The following PCDHA9 variants were observed in gnomAD, a reference collection of about 807,000 sequenced individuals.
The protein encoded by PCDHA9 is protocadherin alpha 9.
A neutral mutation model predicts 62.0 loss-of-function variants in PCDHA9; 62 were observed. The ratio of observed to expected loss-of-function variants is 1.00; its 90% CI spans 0.81 to 1.23. PCDHA9 has a LOEUF of 1.23. Among genes scored for constraint, PCDHA9 ranks in the 50% most tolerant of loss-of-function variants. The pLI is 0.00. For synonymous variants in PCDHA9, 557 were observed against 567.6 expected (o/e 0.98, Z 0.27); for missense variants, 1,205 against 1,249.8 (o/e 0.96, Z 0.54).
intron 1 of PCDHA9, chr5:140,877,631 C>T: frequency 6.2e-7 from 1 of 1,613,768 alleles, no homozygotes; most frequent in Non-Finnish European, 8.5e-7. Context: ...CTGTACACTG[C>T]GCTGCGTTGC....
At chr5:140,976,637 A>G (rs781951504) in intron 1 of PCDHA9, among the ~76,000 whole-genome samples, 16 of 152,226 alleles carry the variant, frequency 1.1e-4, no homozygotes, top group Non-Finnish European at 1.5e-4. Flanking sequence ...CAGCAATCAG[A>G]CAAGTAATTT....
chr5:141,009,471 G>A, intron 3 of PCDHA9, 156 bp from the exon 4 acceptor site: 1 of 961,136 alleles, frequency 1.0e-6, no homozygotes, highest in Non-Finnish European at 1.2e-6. Context: ...AAATAAATAA[G>A]TAAACACTTG....
chr5:140,875,579 A>G (rs552791418), intron 1 of PCDHA9: 3 of 1,614,050 alleles, frequency 1.9e-6, no homozygotes, highest in Non-Finnish European at 2.5e-6. Context: ...TACTCCGTCT[A>G]CGAGGAGGCC....
chr5:140,875,651 T>A lies in PCDHA9; in HGVS notation c.2394+24762T>A, dbSNP rs782085221. The A allele has an allele frequency of 5.1e-5, 83 of 1,613,604 alleles. 1 individual carries two copies. The South Asian group carries it at 8.5e-4, about 16-fold the overall frequency. On this transcript the variant is annotated intron_variant, in intron 1 of 3. Coordinates refer to ENST00000532602, the MANE Select transcript of PCDHA9 (RefSeq NM_031857.2). Reference sequence around the variant, plus strand: ...CTGGGGCTGGAGCTGGCGGAGCTGGTGCCGCGCCTGTTCCGGGTGGCGTCC... The same window carrying A: ...CTGGGGCTGGAGCTGGCGGAGCTGGAGCCGCGCCTGTTCCGGGTGGCGTCC...
chr5:140,876,498 C>T, intron 1 of PCDHA9: 4 of 1,613,918 alleles, frequency 2.5e-6, no homozygotes, highest in Non-Finnish European at 2.5e-6. Flanking sequence ...AAGTTCTGGA[C>T]GTGAATGACA....
At chr5:140,966,631 G>A in intron 1 of PCDHA9, 1 of 995,532 alleles carries the variant, frequency 1.0e-6, no homozygotes, top group Non-Finnish European at 1.4e-6. Flanking sequence ...AGCGGCCCCA[G>A]GCGCTTTCTA....
chr5:140,858,279 G>C, intron 1 of PCDHA9: 1 of 1,597,396 alleles, frequency 6.3e-7, no homozygotes, highest in Non-Finnish European at 8.6e-7. Context: ...AGCGCGGTGG[G>C]GAGCTGGTCT....
At chr5:140,941,221 T>TTCTTTCTTTCTTTCTTTCTC (rs1563186510) in intron 1 of PCDHA9, among the ~76,000 whole-genome samples, 1 of 131,536 alleles carries the variant, frequency 7.6e-6, no homozygotes, top group Admixed American at 7.9e-5. Context: ...CTTCCTTTCT[T>TTCTTTCTTTCTTTCTTTCTC]TCTTTCTTTC....
intron 1 of PCDHA9, among the ~76,000 whole-genome samples, chr5:140,949,684 C>T (rs116815984): frequency 0.023 from 3,563 of 151,738 alleles, 50 homozygotes; most frequent in Middle Eastern, 0.051. Context: ...CTTGTTGAAG[C>T]GTATTGTTGG....
intron 1 of PCDHA9, among the ~76,000 whole-genome samples, chr5:140,937,959 T>C (rs1344033743): frequency 5.3e-5 from 8 of 152,142 alleles, no homozygotes; most frequent in African/African-American, 1.9e-4. Context: ...TTGTTGAAAG[T>C]ATATAGAAAT....
chr5:140,870,264 G>C (rs1554163970), intron 1 of PCDHA9: 1 of 1,614,166 alleles, frequency 6.2e-7, no homozygotes, highest in South Asian at 1.1e-5. Context: ...TGACCTGCTC[G>C]CTGACGCCCC....
chr5:140,871,506 A>C (rs997428507), intron 1 of PCDHA9: 2 of 1,580,864 alleles, frequency 1.3e-6, no homozygotes, highest in Admixed American at 1.8e-5. Flanking sequence ...TGAGTTTTCT[A>C]CAGATTCCAC....
At chr5:140,970,953 G>A (rs975435719) in intron 1 of PCDHA9, among the ~76,000 whole-genome samples, 16 of 152,110 alleles carry the variant, frequency 1.1e-4, no homozygotes, top group South Asian at 4.1e-4. Flanking sequence ...AGAAACCATG[G>A]GAGGCAGATT....
chr5:140,963,109 T>G (rs1490746394), intron 1 of PCDHA9, among the ~76,000 whole-genome samples: 1 of 152,128 alleles, frequency 6.6e-6, no homozygotes, highest in Non-Finnish European at 1.5e-5. Context: ...TCAGGTTGCT[T>G]ATAATTAAAG....
At chr5:141,009,389 G>A (rs1234679148) in intron 3 of PCDHA9, among the ~76,000 whole-genome samples, 1 of 152,178 alleles carries the variant, frequency 6.6e-6, no homozygotes, top group Non-Finnish European at 1.5e-5. Context: ...AGCACAGGAG[G>A]TCGAGGCTGC....
intron 3 of PCDHA9, among the ~76,000 whole-genome samples, chr5:140,996,029 C>T (rs915903807): frequency 6.6e-6 from 1 of 152,184 alleles, no homozygotes; most frequent in Admixed American, 6.5e-5. Context: ...GTTTAATGCT[C>T]CTAGCACTTA....
At position 141,009,636 on chromosome 5, in the gene PCDHA9, C is replaced by T. The variant is rs782321757; in HGVS notation, c.2552C>T (p.Ala851Val). ...ATGTTTTGTCTTTCAGAACCAGAGG[C>T]AGGAGAAGTGTCCCCTCCAGTCGGT... ...TVSSATPEPE[A>V]GEVSPPVGAG... Residue 851 changes from alanine (A) to valine (V), a missense_variant, in exon 4 of 4, where the codon GCA becomes GTA. Physicochemically the swap from Ala to Val is moderately conservative, Grantham distance 64. This residue lies in a region of PCDHA9 where 887 missense variants were observed against 809.5 expected (regional missense o/e 1.10). Transcript: ENST00000532602. 3.7e-6 allele frequency: 6 copies of T among 1,613,192 alleles called. No homozygotes were observed. Among genetic ancestry groups the T allele is most frequent in the Non-Finnish European group, 4.2e-6 (5 of 1,179,532 alleles).
At chr5:140,968,563 T>G in intron 1 of PCDHA9, 1 of 1,614,204 alleles carries the variant, frequency 6.2e-7, no homozygotes, top group South Asian at 1.1e-5. Context: ...GAACTGCCCC[T>G]GCTGGCTACC....
chr5:140,918,006 TG>T (rs1358735901), intron 1 of PCDHA9, among the ~76,000 whole-genome samples: 6 of 152,208 alleles, frequency 3.9e-5, no homozygotes, highest in Non-Finnish European at 7.3e-5. Flanking sequence ...TTAACAATGT[TG>T]TTTCTTCCTA....
Sources: gnomAD v4.1 joint callset for allele counts (sites outside exome capture counted in the v4.1 genomes callset) on GRCh38, gnomAD v4.1.1 for gene constraint, gnomAD v4.1.1 regional missense constraint, MANE v1.5 for transcripts, NCBI Gene and HGNC (gene_info 2026-07-23, HGNC 2026-07-21) for gene names.